MECR: variants seen among roughly 807,000 people sequenced by gnomAD.
The protein encoded by MECR is mitochondrial trans-2-enoyl-CoA reductase, also known as enoyl-[acyl-carrier-protein] reductase, mitochondrial.
In MECR, 37 loss-of-function variants were observed where a neutral mutation model predicts 49.1. The observed-to-expected ratio is 0.75, with a 90% confidence interval of 0.58 to 0.99. MECR has a LOEUF of 0.99. Ranked by LOEUF, MECR falls within the 50% of genes least tolerant of loss-of-function variation. The probability of loss-of-function intolerance (pLI) is 0.00; values close to 1 mark genes in which losing one functional copy is unlikely to be tolerated. For missense variants in MECR, 470 were observed against 479.6 expected, an observed-to-expected ratio of 0.98 and a Z score of 0.19; for synonymous variants, 198 against 191.1, an observed-to-expected ratio of 1.04 and a Z score of -0.30.
intron 7 of MECR, among the ~76,000 whole-genome samples, chr1:29,197,367 C>T (rs943642005): frequency 1.3e-5 from 2 of 152,172 alleles, no homozygotes; most frequent in African/African-American, 4.8e-5. Flanking sequence ...ATGATGTGGA[C>T]GGTGCAGGGA....
At chr1:29,214,209 A>C (rs1678756639) in intron 3 of MECR, among the ~76,000 whole-genome samples, 1 of 151,522 alleles carries the variant, frequency 6.6e-6, no homozygotes, top group Admixed American at 6.6e-5. Flanking sequence ...CTACAGGTGC[A>C]CGCCACCATG....
chr1:29,185,308 G>T, the MECR span, among the ~76,000 whole-genome samples: 1 of 152,076 alleles, frequency 6.6e-6, no homozygotes, highest in East Asian at 1.9e-4. Context: ...GAATACAGTG[G>T]CATGATCTTG....
At chr1:29,182,386 G>T in the MECR span, among the ~76,000 whole-genome samples, 1 of 152,128 alleles carries the variant, frequency 6.6e-6, no homozygotes. Flanking sequence ...CGTACATAAA[G>T]CACTTAGTAG....
intron 3 of MECR, 76 bp downstream of exon 3, chr1:29,215,929 A>T: frequency 6.4e-7 from 1 of 1,562,648 alleles, no homozygotes; most frequent in Non-Finnish European, 8.7e-7. Context: ...CACTCGGCCA[A>T]TCAGTGGATG....
intron 5 of MECR, 114 bp downstream of exon 5, chr1:29,203,017 A>T: frequency 1.3e-6 from 1 of 755,812 alleles, no homozygotes; most frequent in Non-Finnish European, 2.1e-6. Flanking sequence ...CGATGCCTAA[A>T]GCCAGTTTAT....
rs1673207540 is a variant in MECR, at chr1:29,192,859, C to G, written c.*1163G>C. Reference sequence around the variant, plus strand: ...TACAGCACCCCACATATCTTCTTTACAGCATTAGTCACTATGGTAATTACT... The same window carrying G: ...TACAGCACCCCACATATCTTCTTTAGAGCATTAGTCACTATGGTAATTACT... On this transcript the variant is annotated 3_prime_UTR_variant, in exon 10 of 10. Coordinates refer to ENST00000263702, the MANE Select transcript of MECR (RefSeq NM_016011.5). The G allele has an allele frequency of 6.6e-6, 1 of 152,142 alleles. No individual in the cohort carries two copies. Among genetic ancestry groups the G allele is most frequent in the South Asian group, 2.1e-4 (1 of 4,838 alleles). 9.4% of individuals were successfully genotyped at this position (152,142 alleles called of 1,614,324 possible).
the MECR span, among the ~76,000 whole-genome samples, chr1:29,174,248 G>A: frequency 1.3e-5 from 2 of 151,934 alleles, no homozygotes; most frequent in African/African-American, 2.4e-5. Context: ...CACCGCAGGT[G>A]GAAACGTAAA....
intron 6 of MECR, among the ~76,000 whole-genome samples, chr1:29,200,875 C>T (rs771551441): frequency 2.0e-5 from 3 of 151,972 alleles, no homozygotes; most frequent in Non-Finnish European, 2.9e-5. Context: ...TGCTACCTTA[C>T]CCTCCTGGGC....
intron 7 of MECR, 53 bp downstream of exon 7, chr1:29,200,463 C>A: frequency 6.5e-7 from 1 of 1,541,696 alleles, no homozygotes; most frequent in Non-Finnish European, 8.9e-7. Flanking sequence ...GTCCTCCCAG[C>A]TAAAGACCTG....
At chr1:29,178,812 G>A in the MECR span, among the ~76,000 whole-genome samples, 5 of 152,100 alleles carry the variant, frequency 3.3e-5, no homozygotes, top group Non-Finnish European at 7.4e-5. Context: ...CAGCGTTTTT[G>A]CCATACAGGC....
intron 3 of MECR, among the ~76,000 whole-genome samples, chr1:29,210,916 C>T (rs1303968132): frequency 6.6e-6 from 1 of 152,136 alleles, no homozygotes; most frequent in African/African-American, 2.4e-5. Context: ...GGGTGTATAA[C>T]ACACATTGTT....
In MECR at chr1:29,193,524, C is replaced by G. The variant is rs1292751819; in HGVS notation, c.*498G>C. The G allele has an allele frequency of 6.3e-6, 1 of 157,764 alleles. No individual in the cohort carries two copies. Among genetic ancestry groups the G allele is most frequent in the African/African-American group, 2.4e-5 (1 of 41,484 alleles). The allele number at this position is 157,764 out of a possible 1,614,324, so 9.8% of individuals were successfully genotyped here. On this transcript the variant is annotated 3_prime_UTR_variant, in exon 10 of 10. Coordinates refer to ENST00000263702, the MANE Select transcript of MECR (RefSeq NM_016011.5). ...CCTGATGACCTCAGCCTGGCATTCACTCTTCCATGCAGCTGATCCTCCCCA... is the reference window on the plus strand; with the variant it reads ...CCTGATGACCTCAGCCTGGCATTCAGTCTTCCATGCAGCTGATCCTCCCCA...
chr1:29,216,113 G>C lies in MECR; in HGVS notation c.298C>G (p.Leu100Val). ...CCTTCGTTCCCTCCAACAGCAGGCA[G>C]TTCAGGAAGGAATCCGTAGTTTCCT... Reference protein sequence around the residue: ...IQGNYGFLPELPAVGGNEGVA... With the variant: ...IQGNYGFLPEVPAVGGNEGVA... The change falls in exon 3 of 10, where the codon CTG (leucine) becomes GTG (valine). Residue 100 changes from leucine (L) to valine (V), a missense_variant. Coordinates refer to ENST00000263702, the MANE Select transcript of MECR (RefSeq NM_016011.5). 1.2e-6 allele frequency: 2 copies of C among 1,614,044 alleles called. No homozygotes were observed. Among genetic ancestry groups the C allele is most frequent in the Non-Finnish European group, 1.7e-6 (2 of 1,179,934 alleles).
At position 29,212,422 on chromosome 1, in the gene MECR, TAAACA is replaced by T. The variant is rs1348042498; in HGVS notation, c.406+3578_406+3582del. On this transcript the variant is annotated intron_variant, in intron 3 of 9. Transcript: ENST00000263702. Reference sequence around the variant, plus strand: ...CAGAGCGAGACTCTGTCTCAAAAGATAAACAAAACAAAACAAAAGAATCACCTTTT... The same window carrying T: ...CAGAGCGAGACTCTGTCTCAAAAGATAAACAAAACAAAAGAATCACCTTTT... Among the ~76,000 whole-genome samples the T allele has an allele frequency of 3.9e-5, 6 of 152,180 alleles. No homozygotes were observed. In the East Asian group the frequency reaches 1.2e-3, roughly 29 times the overall value.
the MECR span, chr1:29,181,792 C>G: frequency 1.3e-6 from 2 of 1,506,380 alleles, no homozygotes; most frequent in South Asian, 1.2e-5. Context: ...GCCCCAGCCC[C>G]CCTTAGGCGG....
chr1:29,230,117 G>C (rs1683072576), intron 1 of MECR, among the ~76,000 whole-genome samples: 1 of 152,152 alleles, frequency 6.6e-6, no homozygotes, highest in Non-Finnish European at 1.5e-5. Flanking sequence ...AGAAACATGA[G>C]TTTGGAATCA....
intron 4 of MECR, among the ~76,000 whole-genome samples, chr1:29,205,939 C>T (rs1282448643): frequency 6.6e-6 from 1 of 152,224 alleles, no homozygotes; most frequent in Non-Finnish European, 1.5e-5. Flanking sequence ...AACAAACTCT[C>T]TGCACCCAGT....
intron 3 of MECR, among the ~76,000 whole-genome samples, chr1:29,213,401 G>C (rs756480822): frequency 2.7e-5 from 4 of 149,020 alleles, no homozygotes; most frequent in Admixed American, 2.0e-4. Flanking sequence ...TCCTATTACT[G>C]TTTTTTTTTT....
At chr1:29,219,870 G>A (rs1680338030) in intron 1 of MECR, among the ~76,000 whole-genome samples, 1 of 152,148 alleles carries the variant, frequency 6.6e-6, no homozygotes, top group African/African-American at 2.4e-5. Context: ...GCGCTTTCAG[G>A]ATTTTGGAAC....
Sources: gnomAD v4.1 joint callset for allele counts (sites outside exome capture counted in the v4.1 genomes callset) on GRCh38, gnomAD v4.1.1 for gene constraint, MANE v1.5 for transcripts, NCBI Gene and HGNC (gene_info 2026-07-23, HGNC 2026-07-21) for gene names.